GPRASP3: variants seen among roughly 807,000 people sequenced by gnomAD.
The protein encoded by GPRASP3 is G protein-coupled receptor associated sorting protein family member 3.
chrX:102,739,898 C>T, the GPRASP3 span, among the ~76,000 whole-genome samples: 2 of 111,101 alleles, frequency 1.8e-5, no homozygotes, highest in Non-Finnish European at 3.8e-5. Context: ...GAGCCATGGG[C>T]GCATGAATAA....
chrX:102,721,698 C>T, the GPRASP3 span, among the ~76,000 whole-genome samples: 1 of 111,415 alleles, frequency 9.0e-6, no homozygotes. Flanking sequence ...TCCGTGTGAG[C>T]TCTCTCTCCC....
chrX:102,733,801 T>C, the GPRASP3 span, among the ~76,000 whole-genome samples: 1 of 110,528 alleles, frequency 9.0e-6, no homozygotes, highest in African/African-American at 3.3e-5. Context: ...CTCGCATCCG[T>C]GTGAAGAGAC....
the GPRASP3 span, among the ~76,000 whole-genome samples, chrX:102,727,097 C>A: frequency 8.9e-6 from 1 of 112,571 alleles, no homozygotes; most frequent in Admixed American, 9.4e-5. Flanking sequence ...TAGGATTGTT[C>A]CATTTTCATA....
At chrX:102,723,208 A>G in the GPRASP3 span, among the ~76,000 whole-genome samples, 1 of 112,203 alleles carries the variant, frequency 8.9e-6, no homozygotes, top group African/African-American at 3.2e-5. Context: ...ATATATCACA[A>G]TACATACAAA....
the GPRASP3 span, among the ~76,000 whole-genome samples, chrX:102,731,917 C>T: frequency 8.9e-6 from 1 of 112,102 alleles, no homozygotes; most frequent in African/African-American, 3.2e-5. Context: ...CATACTCTGT[C>T]ATCCTGTCTC....
At chrX:102,743,920 G>T in the GPRASP3 span, among the ~76,000 whole-genome samples, 1 of 111,420 alleles carries the variant, frequency 9.0e-6, no homozygotes, top group Non-Finnish European at 1.9e-5. Context: ...TTATCTGCAG[G>T]AATAATTGGG....
chrX:102,745,886 C>T, the GPRASP3 span: 1 of 111,633 alleles, frequency 9.0e-6, no homozygotes, highest in Non-Finnish European at 1.9e-5. Flanking sequence ...TGGGGCTCGT[C>T]ATGGCCCCGC....
chrX:102,727,984 T>G, the GPRASP3 span, among the ~76,000 whole-genome samples: 4 of 111,548 alleles, frequency 3.6e-5, no homozygotes, highest in East Asian at 1.1e-3. Flanking sequence ...TACTCCCAAC[T>G]CTTCTGTACA....
At chrX:102,723,827 T>C in the GPRASP3 span, among the ~76,000 whole-genome samples, 1 of 111,516 alleles carries the variant, frequency 9.0e-6, no homozygotes, top group Non-Finnish European at 1.9e-5. Flanking sequence ...TTAAGTTCAA[T>C]CACAACCAAT....
chrX:102,725,321 TG>T, the GPRASP3 span, among the ~76,000 whole-genome samples: 1 of 111,965 alleles, frequency 8.9e-6, no homozygotes, highest in Non-Finnish European at 1.9e-5. Context: ...ACTACTTTTA[TG>T]CCTTTCCCAC....
chrX:102,734,621 AAAT>A, the GPRASP3 span, among the ~76,000 whole-genome samples: 7 of 111,105 alleles, frequency 6.3e-5, no homozygotes, highest in East Asian at 2.8e-4. Flanking sequence ...TGTCTCAAAA[AAAT>A]AATAATAATA....
At chrX:102,724,701 C>T in the GPRASP3 span, among the ~76,000 whole-genome samples, 4 of 104,530 alleles carry the variant, frequency 3.8e-5, no homozygotes, top group African/African-American at 1.1e-4. Flanking sequence ...TAATCTCAGC[C>T]GAAGAGCAGG....
the GPRASP3 span, among the ~76,000 whole-genome samples, chrX:102,732,684 CT>C: frequency 8.9e-6 from 1 of 111,957 alleles, no homozygotes; most frequent in Non-Finnish European, 1.9e-5. Flanking sequence ...GGAAAGTAAA[CT>C]TTAGTCTTAT....
the GPRASP3 span, among the ~76,000 whole-genome samples, chrX:102,741,610 G>C: frequency 8.9e-6 from 1 of 112,083 alleles, no homozygotes; most frequent in Non-Finnish European, 1.9e-5. Flanking sequence ...ATTTTAGAGA[G>C]GCAATGCAAT....
chrX:102,742,663 T>C, the GPRASP3 span, among the ~76,000 whole-genome samples: 1 of 111,953 alleles, frequency 8.9e-6, no homozygotes, highest in African/African-American at 3.2e-5. Flanking sequence ...AGTTGTCCTA[T>C]TGGTTTGAGC....
the GPRASP3 span, among the ~76,000 whole-genome samples, chrX:102,724,065 C>T: frequency 9.0e-6 from 1 of 111,481 alleles, no homozygotes; most frequent in Non-Finnish European, 1.9e-5. Flanking sequence ...TTCTTGAGTT[C>T]TACGAGTTGT....
the GPRASP3 span, among the ~76,000 whole-genome samples, chrX:102,743,525 C>T: frequency 7.2e-5 from 8 of 110,916 alleles, no homozygotes; most frequent in Admixed American, 9.6e-5. Flanking sequence ...TGTAACCGCC[C>T]GATGGGTTCT....
At chrX:102,734,109 T>TCATCAGTTA in the GPRASP3 span, among the ~76,000 whole-genome samples, 20 of 111,421 alleles carry the variant, frequency 1.8e-4, no homozygotes, top group Non-Finnish European at 3.6e-4. Context: ...TGGTGCAATG[T>TCATCAGTTA]CATCAGTTAA....
At chrX:102,740,275 G>GGA in the GPRASP3 span, among the ~76,000 whole-genome samples, 3 of 111,055 alleles carry the variant, frequency 2.7e-5, no homozygotes, top group Non-Finnish European at 5.7e-5. Flanking sequence ...AGTCACTTAT[G>GGA]GAGAGAGAGA....
Sources: gnomAD v4.1 joint callset for allele counts (sites outside exome capture counted in the v4.1 genomes callset) on GRCh38, gnomAD v4.1.1 for gene constraint, MANE v1.5 for transcripts, NCBI Gene and HGNC (gene_info 2026-07-23, HGNC 2026-07-21) for gene names.